Variants in NWD2 observed in about 807,000 individuals in gnomAD.
The protein encoded by NWD2 is NACHT and WD repeat domain-containing protein 2.
A neutral mutation model predicts 132.7 loss-of-function variants in NWD2; 37 were observed. The ratio of observed to expected loss-of-function variants is 0.28; its 90% CI spans 0.21 to 0.37. The LOEUF (loss-of-function observed/expected upper bound fraction) is 0.37, where lower values mean the gene tolerates loss of function less well. Ranked by LOEUF, NWD2 falls within the 10% of genes least tolerant of loss-of-function variation. The pLI is 1.00. For synonymous variants in NWD2, 705 were observed against 803.0 expected (o/e 0.88, Z 2.06); for missense variants, 1,592 against 2,122.4 (o/e 0.75, Z 4.91).
At chr4:37,411,770 A>G (rs1348079217) in intron 3 of NWD2, among the ~76,000 whole-genome samples, 1 of 152,218 alleles carries the variant, frequency 6.6e-6, no homozygotes, top group African/African-American at 2.4e-5. Flanking sequence ...GCAGCACATC[A>G]AAAAGCTTAT....
At chr4:37,374,174 A>G (rs1054734929) in intron 3 of NWD2, among the ~76,000 whole-genome samples, 1 of 152,176 alleles carries the variant, frequency 6.6e-6, no homozygotes, top group Non-Finnish European at 1.5e-5. Context: ...TTCTTGCCCT[A>G]TTAGTTCATG....
At chr4:37,351,043 G>T (rs1719750891) in intron 2 of NWD2, among the ~76,000 whole-genome samples, 1 of 152,106 alleles carries the variant, frequency 6.6e-6, no homozygotes, top group Non-Finnish European at 1.5e-5. Flanking sequence ...CTTGATCTTG[G>T]TGGATAAGCT....
In NWD2 at chr4:37,263,728, G is replaced by A. The variant is rs75684108; in HGVS notation, c.151+18510G>A. Among the ~76,000 whole-genome samples the A allele has an allele frequency of 2.2e-3, 329 of 152,200 alleles. 2 individuals carry two copies. Among genetic ancestry groups the A allele is most frequent in the African/African-American group, 7.6e-3 (314 of 41,526 alleles). ...GCCAGAAAGAGAAGAGGGAGGGGAG[G>A]AGAAGAATATTCAGTCCTTATAAAT... On this transcript the variant is annotated intron_variant, in intron 1 of 6. Coordinates refer to ENST00000309447, the MANE Select transcript of NWD2 (RefSeq NM_001144990.2).
chr4:37,364,690 T>TCACACACACACACACACA (rs1720056982), intron 3 of NWD2, among the ~76,000 whole-genome samples: 1 of 65,890 alleles, frequency 1.5e-5, no homozygotes, highest in African/African-American at 4.9e-5. Context: ...CTACCTCCAC[T>TCACACACACACACACACA]TACACACACA....
At chr4:37,400,501 T>C (rs1720878587) in intron 3 of NWD2, among the ~76,000 whole-genome samples, 1 of 152,218 alleles carries the variant, frequency 6.6e-6, no homozygotes, top group South Asian at 2.1e-4. Flanking sequence ...AGGACCATTT[T>C]CAATAGAAAA....
intron 1 of NWD2, among the ~76,000 whole-genome samples, chr4:37,261,291 A>G (rs73807463): frequency 0.096 from 14,665 of 152,146 alleles, 751 homozygotes; most frequent in African/African-American, 0.11. Context: ...TGCCCACTCA[A>G]TAGAAGAGGG....
chr4:37,370,744 T>A (rs79318149), intron 3 of NWD2, among the ~76,000 whole-genome samples: 6,969 of 152,246 alleles, frequency 0.046, 349 homozygotes, highest in East Asian at 0.17. Context: ...AGTTGTCATA[T>A]CTATCTCTGT....
rs1719169237 is a variant in NWD2, at chr4:37,326,168, G to A, written c.240+144G>A. 45 of 579,282 alleles carry A rather than the reference G, an allele frequency of 7.8e-5. No individual in the cohort carries two copies. In the South Asian group the frequency reaches 1.0e-3, roughly 13 times the overall value. 35.9% of individuals were successfully genotyped at this position (579,282 alleles called of 1,614,324 possible). On this transcript the variant is annotated intron_variant, in intron 2 of 6. Coordinates refer to ENST00000309447, the MANE Select transcript of NWD2 (RefSeq NM_001144990.2). ...TCAAGCATGGGTAAAAAGAAACACT[G>A]ACAAATGGAAATAAAGTATTTCATC...
chr4:37,417,615 G>A (rs1711659806), intron 3 of NWD2, among the ~76,000 whole-genome samples: 1 of 152,228 alleles, frequency 6.6e-6, no homozygotes. Flanking sequence ...GAGCCTGGAG[G>A]CCTGAAGCCA....
chr4:37,387,133 C>G (rs891438742), intron 3 of NWD2, among the ~76,000 whole-genome samples: 2 of 152,124 alleles, frequency 1.3e-5, no homozygotes, highest in African/African-American at 4.8e-5. Flanking sequence ...AGGACATTAT[C>G]CTAGGTCATC....
intron 3 of NWD2, among the ~76,000 whole-genome samples, chr4:37,363,855 G>C (rs1434061304): frequency 6.6e-6 from 1 of 152,172 alleles, no homozygotes; most frequent in Non-Finnish European, 1.5e-5. Context: ...CGGGCGCAGT[G>C]GCTCAGGCCT....
intron 3 of NWD2, among the ~76,000 whole-genome samples, chr4:37,372,967 A>G (rs747521338): frequency 6.6e-6 from 1 of 152,238 alleles, no homozygotes; most frequent in Non-Finnish European, 1.5e-5. Flanking sequence ...TGAAGATACA[A>G]CGCAAAGAAA....
chr4:37,325,383 A>G (rs1719148388), intron 1 of NWD2, among the ~76,000 whole-genome samples: 2 of 152,168 alleles, frequency 1.3e-5, no homozygotes, highest in South Asian at 4.1e-4. Flanking sequence ...GGCCAATTGA[A>G]TCTACAGTGG....
chr4:37,278,949 A>G (rs1406600819), intron 1 of NWD2, among the ~76,000 whole-genome samples: 1 of 152,144 alleles, frequency 6.6e-6, no homozygotes, highest in Non-Finnish European at 1.5e-5. Flanking sequence ...GTATTATATA[A>G]GCATTCACCT....
chr4:37,369,198 A>T (rs1218702342), intron 3 of NWD2, among the ~76,000 whole-genome samples: 1 of 152,176 alleles, frequency 6.6e-6, no homozygotes, highest in African/African-American at 2.4e-5. Flanking sequence ...ATGAAAGGTA[A>T]TTATTTGGTG....
chr4:37,277,427 T>G (rs147468480), intron 1 of NWD2, among the ~76,000 whole-genome samples: 2,273 of 152,212 alleles, frequency 0.015, 40 homozygotes, highest in Non-Finnish European at 0.023. Context: ...GTCCCACAGG[T>G]CCCTGATGCT....
chr4:37,445,138 G>C lies in NWD2; in HGVS notation c.3150G>C (p.Lys1050Asn). ...GCCTCCTGTCTGAAGTAGAAATCAA[G>C]GGGACCAAGCATGGAAGCAGCGCCA... ...NSCLLSEVEI[K>N]GTKHGSSATY... The change falls in exon 7 of 7, where the codon AAG (lysine) becomes AAC (asparagine). Residue 1050 changes from lysine to asparagine, a missense_variant. By Grantham distance (94) the Lys-to-Asn change is moderately conservative. This residue lies in a region of NWD2 where 1,071 missense variants were observed against 1,398.0 expected (regional missense o/e 0.77). Transcript: ENST00000309447. This position sits in a 1 kb window ranked among gnomAD's most constrained non-coding sequence, Gnocchi z 4.7. The C allele has an allele frequency of 1.3e-6, 2 of 1,552,080 alleles. No homozygotes were observed. The highest frequency in any genetic ancestry group is 1.7e-6 in the Non-Finnish European group (2 of 1,147,092).
At chr4:37,434,730 G>A (rs765626821) in intron 5 of NWD2, among the ~76,000 whole-genome samples, 5 of 151,504 alleles carry the variant, frequency 3.3e-5, no homozygotes, top group Middle Eastern at 3.2e-3. Context: ...AGACAGGAAC[G>A]TGCTTAGCTA....
In NWD2 at chr4:37,444,742, G is replaced by A; in HGVS notation, c.2754G>A (p.Leu918=). The A allele has an allele frequency of 6.4e-7, 1 of 1,551,970 alleles. No homozygotes were observed. Among genetic ancestry groups the A allele is most frequent in the Non-Finnish European group, 8.7e-7 (1 of 1,147,064 alleles). Residue 918 remains leucine (L), a synonymous_variant, in exon 7 of 7, where the codon CTG becomes CTA. Transcript: ENST00000309447. The surrounding 1 kb of genome is among the most constrained non-coding windows in gnomAD (Gnocchi z 4.8). Reference sequence around the variant, plus strand: ...TTTCAGCAGAGCTTCAGCAAAGACTGCTGCCTGTTGTAAGCTCCCTGCCCA... The same window carrying A: ...TTTCAGCAGAGCTTCAGCAAAGACTACTGCCTGTTGTAAGCTCCCTGCCCA... The part of the protein sequence containing the change: ...GSLSAELQQR[L]LPVVSSLPKL...
Sources: allele counts gnomAD v4.1 joint callset (sites outside exome capture counted in the v4.1 genomes callset), GRCh38; gene constraint gnomAD v4.1.1; regional missense constraint gnomAD v4.1.1; non-coding constraint Gnocchi (gnomAD v3.1); transcripts MANE v1.5; gene names NCBI Gene and HGNC (gene_info 2026-07-23, HGNC 2026-07-21).